Variants in NTM observed in about 807,000 individuals in gnomAD.
NTM encodes neurotrimin, also known as IgLON family member 2.
A neutral mutation model predicts 42.1 loss-of-function variants in NTM; 13 were observed. The ratio of observed to expected loss-of-function variants is 0.31; its 90% CI spans 0.20 to 0.49. The LOEUF (loss-of-function observed/expected upper bound fraction) is 0.49, where lower values mean the gene tolerates loss of function less well. Among genes scored for constraint, NTM ranks in the 20% least tolerant of loss-of-function variants. The pLI, the probability that NTM is intolerant of heterozygous loss-of-function variation, is 0.99. For synonymous variants in NTM, 187 were observed against 179.2 expected, an observed-to-expected ratio of 1.04 and a Z score of -0.35; for missense variants, 373 against 452.8, an observed-to-expected ratio of 0.82 and a Z score of 1.60.
At chr11:132,210,949 A>T (rs1483207360) in intron 3 of NTM, among the ~76,000 whole-genome samples, 1 of 152,066 alleles carries the variant, frequency 6.6e-6, no homozygotes, top group Non-Finnish European at 1.5e-5. Context: ...TGGAGAAAGA[A>T]GGTGGGGGAG....
At chr11:132,268,327 T>G (rs1039940295) in intron 4 of NTM, among the ~76,000 whole-genome samples, 1 of 152,122 alleles carries the variant, frequency 6.6e-6, no homozygotes, top group South Asian at 2.1e-4. Flanking sequence ...GTATACACTA[T>G]TATTTTATTT....
chr11:131,426,258 A>G (rs890847013), intron 1 of NTM, among the ~76,000 whole-genome samples: 1 of 152,136 alleles, frequency 6.6e-6, no homozygotes, highest in African/African-American at 2.4e-5. Flanking sequence ...CTGATTCCAT[A>G]CACACATTTC....
At chr11:131,678,562 G>A (rs548567907) in intron 1 of NTM, among the ~76,000 whole-genome samples, 1 of 152,204 alleles carries the variant, frequency 6.6e-6, no homozygotes, top group Non-Finnish European at 1.5e-5. Context: ...TGCAGGAAAG[G>A]CCTGACTACT....
intron 7 of NTM, among the ~76,000 whole-genome samples, chr11:132,322,691 TACAGAACTCTCC>T (rs2095597539): frequency 1.6e-5 from 2 of 128,438 alleles, no homozygotes; most frequent in South Asian, 5.5e-4. Context: ...AATAGACATC[TACAGAACTCTCC>T]ACCCCAAATC....
intron 4 of NTM, chr11:132,306,606 T>C (rs3099773): frequency 0.5 from 75,304 of 152,080 alleles, 20,313 homozygotes; most frequent in African/African-American, 0.69. Context: ...ATGTATATTA[T>C]GTTTGGGAAA....
At chr11:131,699,909 GGTGTGTGTGTGTGTGTGTGT>G (rs10577927) in intron 1 of NTM, among the ~76,000 whole-genome samples, 3,831 of 130,544 alleles carry the variant, frequency 0.029, 151 homozygotes, top group East Asian at 0.21. Context: ...CAAAGCAGCA[GGTGTGTGTGTGTGTGTGTGT>G]GTGTGTGTGT....
chr11:131,996,258 G>A (rs2067994554), intron 2 of NTM, among the ~76,000 whole-genome samples: 1 of 152,008 alleles, frequency 6.6e-6, no homozygotes, highest in Non-Finnish European at 1.5e-5. Flanking sequence ...CAAAAGTTAA[G>A]GAAAGAAAAG....
chr11:132,024,484 G>C (rs765300915), intron 2 of NTM, among the ~76,000 whole-genome samples: 1 of 152,160 alleles, frequency 6.6e-6, no homozygotes, highest in African/African-American at 2.4e-5. Context: ...CTAATACAAT[G>C]CAAATGCTAT....
chr11:131,711,067 T>C (rs925440610), intron 1 of NTM, among the ~76,000 whole-genome samples: 8 of 152,178 alleles, frequency 5.3e-5, no homozygotes, highest in Admixed American at 3.9e-4. Context: ...GACATAGGCA[T>C]GGGCAAGGAC....
chr11:131,906,405 C>T (rs1836841), intron 1 of NTM, among the ~76,000 whole-genome samples: 9,611 of 152,106 alleles, frequency 0.063, 408 homozygotes, highest in East Asian at 0.12. Flanking sequence ...TATGCTCCTA[C>T]GATCAACTCC....
chr11:132,070,461 A>G (rs139823123), intron 2 of NTM, among the ~76,000 whole-genome samples: 24,228 of 98,704 alleles, frequency 0.25, 5,296 homozygotes, highest in African/African-American at 0.34. Context: ...AAGTTAACAC[A>G]TCACACAGCC....
At chr11:131,896,069 G>C (rs1223672754) in intron 1 of NTM, among the ~76,000 whole-genome samples, 5 of 152,314 alleles carry the variant, frequency 3.3e-5, no homozygotes, top group East Asian at 1.9e-4. Flanking sequence ...CATAGGCAGG[G>C]GGAGCCACTG....
chr11:131,829,431 C>T (rs1350757689), intron 1 of NTM, among the ~76,000 whole-genome samples: 1 of 152,112 alleles, frequency 6.6e-6, no homozygotes, highest in Non-Finnish European at 1.5e-5. Context: ...TAAGTGAGAA[C>T]ATGCAGCATT....
intron 2 of NTM, among the ~76,000 whole-genome samples, chr11:132,052,397 C>G (rs1439244367): frequency 6.6e-6 from 1 of 152,110 alleles, no homozygotes; most frequent in Non-Finnish European, 1.5e-5. Flanking sequence ...GTACCACTAC[C>G]CACCACTCTT....
chr11:132,330,913 A>G (rs1227726757), intron 8 of NTM, among the ~76,000 whole-genome samples: 1 of 152,202 alleles, frequency 6.6e-6, no homozygotes, highest in Non-Finnish European at 1.5e-5. Context: ...TCTGACCAGC[A>G]CTGGCTTTGA....
intron 3 of NTM, among the ~76,000 whole-genome samples, chr11:132,157,999 C>T (rs1390382249): frequency 6.6e-6 from 1 of 152,216 alleles, no homozygotes. Context: ...TGTTCCACAG[C>T]TTTCTACCTA....
intron 4 of NTM, among the ~76,000 whole-genome samples, chr11:132,247,135 A>G (rs2091295023): frequency 6.6e-6 from 1 of 152,122 alleles, no homozygotes; most frequent in Non-Finnish European, 1.5e-5. Context: ...TGGGCTCCCC[A>G]TGAACTTGAC....
intron 1 of NTM, among the ~76,000 whole-genome samples, chr11:131,674,824 G>A (rs1160157517): frequency 6.6e-6 from 1 of 152,208 alleles, no homozygotes. Flanking sequence ...TAAACTCATT[G>A]CAGCTCCAAG....
intron 2 of NTM, among the ~76,000 whole-genome samples, chr11:132,092,381 C>T (rs1427917269): frequency 6.6e-6 from 1 of 152,168 alleles, no homozygotes; most frequent in Non-Finnish European, 1.5e-5. Flanking sequence ...CCAAGATGAC[C>T]ACTGGCTCTG....
Sources: gnomAD v4.1 joint callset for allele counts (sites outside exome capture counted in the v4.1 genomes callset) on GRCh38, gnomAD v4.1.1 for gene constraint, MANE v1.5 for transcripts, NCBI Gene and HGNC (gene_info 2026-07-23, HGNC 2026-07-21) for gene names.